Variants in AAK1 observed in about 807,000 individuals in gnomAD.
AAK1 encodes the protein AP2-associated protein kinase 1.
AAK1 carries 37 observed loss-of-function variants against 116.0 expected under a neutral mutation model. That is an observed-to-expected ratio of 0.32 (90% confidence interval 0.25 to 0.42). The LOEUF (loss-of-function observed/expected upper bound fraction) is 0.42. Among genes scored for constraint, AAK1 ranks in the 10% least tolerant of loss-of-function variants. The pLI is 1.00. For missense variants in AAK1, 919 were observed against 1,170.6 expected (o/e 0.79, Z 3.14); for synonymous variants, 458 against 439.9 (o/e 1.04, Z -0.51).
intron 2 of AAK1, among the ~76,000 whole-genome samples, chr2:69,602,306 G>A (rs1170477547): frequency 6.6e-6 from 1 of 152,082 alleles, no homozygotes; most frequent in East Asian, 1.9e-4. Flanking sequence ...TGAATAAACA[G>A]ATTAGATAAC....
At chr2:69,604,427 T>G (rs1014365758) in intron 2 of AAK1, among the ~76,000 whole-genome samples, 2 of 152,298 alleles carry the variant, frequency 1.3e-5, no homozygotes, top group East Asian at 1.9e-4. Context: ...CTTTCATGCT[T>G]CTTCTCCTCT....
intron 2 of AAK1, among the ~76,000 whole-genome samples, chr2:69,570,946 C>T (rs1228469533): frequency 6.9e-6 from 1 of 145,260 alleles, no homozygotes; most frequent in Non-Finnish European, 1.5e-5. Flanking sequence ...AAACTCACAG[C>T]TCTAAGTTTG....
intron 18 of AAK1, 170 bp from the exon 19 acceptor site, chr2:69,481,131 T>G: frequency 5.6e-6 from 3 of 531,412 alleles, no homozygotes; most frequent in Non-Finnish European, 9.8e-6. Context: ...CAAAGTCCTG[T>G]GGTTACAAGT....
chr2:69,489,132 CA>C (rs1675420174), intron 17 of AAK1, among the ~76,000 whole-genome samples: 1 of 151,276 alleles, frequency 6.6e-6, no homozygotes, highest in Non-Finnish European at 1.5e-5. Context: ...AGGAGCGAGC[CA>C]CCATATCCAG....
intron 2 of AAK1, among the ~76,000 whole-genome samples, chr2:69,616,903 T>C (rs1674354434): frequency 6.6e-6 from 1 of 152,164 alleles, no homozygotes; most frequent in Non-Finnish European, 1.5e-5. Context: ...GCCCTTTTTC[T>C]AACCCCAAGT....
intron 2 of AAK1, among the ~76,000 whole-genome samples, chr2:69,611,777 A>C (rs1339312854): frequency 6.6e-6 from 1 of 152,248 alleles, no homozygotes; most frequent in African/African-American, 2.4e-5. Context: ...GGATAAGGAA[A>C]CTGTGGTATA....
chr2:69,468,422 A>T lies in AAK1; in HGVS notation c.*7447T>A. 1.0e-6 allele frequency: 1 copy of T among 985,442 alleles called. No individual in the cohort carries two copies. Among genetic ancestry groups the T allele is most frequent in the Non-Finnish European group, 1.2e-6 (1 of 829,926 alleles). The allele number at this position is 985,442 out of a possible 1,614,324, so 61.0% of individuals were successfully genotyped here. A position where few individuals can be genotyped will look rare whatever the true frequency, so the allele number is the denominator to read the frequency against. ...AAACTCCTTGAACCACCTTCCTCAC[A>T]TAGTATCAGTTGGACAAAGTTTTCA... On this transcript the variant is annotated 3_prime_UTR_variant, in exon 22 of 22. Transcript: ENST00000409085.
chr2:69,514,880 G>T (rs1341521250), intron 12 of AAK1, 131 bp from the exon 13 acceptor site: 4 of 1,043,490 alleles, frequency 3.8e-6, no homozygotes, highest in East Asian at 5.4e-5. Flanking sequence ...CTTGAGGCTA[G>T]GCCTAAAATC....
chr2:69,593,934 G>A lies in AAK1; in HGVS notation c.164-36956C>T, dbSNP rs148633440. Among the ~76,000 whole-genome samples, 980 of 152,312 alleles carry A rather than the reference G, an allele frequency of 6.4e-3. 21 individuals are homozygous for A. Among genetic ancestry groups the A allele is most frequent in the East Asian group, 0.012 (63 of 5,192 alleles). ...TAACATTTCTGTCTTTGACCTTAGCGGCTCTTGCCATTGTTCTCTACTGTC... is the reference window on the plus strand; with the variant it reads ...TAACATTTCTGTCTTTGACCTTAGCAGCTCTTGCCATTGTTCTCTACTGTC... On this transcript the variant is annotated intron_variant, in intron 2 of 21. Coordinates refer to ENST00000409085, the MANE Select transcript of AAK1 (RefSeq NM_014911.5).
chr2:69,560,309 TCAGC>T (rs1265136920), intron 2 of AAK1, among the ~76,000 whole-genome samples: 1 of 152,226 alleles, frequency 6.6e-6, no homozygotes, highest in Admixed American at 6.5e-5. Context: ...GATGAGATTC[TCAGC>T]CAGAGCTTAA....
In AAK1 at chr2:69,466,474, G is replaced by C. The variant is rs1674489765; in HGVS notation, c.*9395C>G. The stretch of plus-strand genomic sequence containing the variant: ...ACTCTGGAGGGGTCTGGATACAGCG[G>C]AAGGCCTTTAACACCCAGTGATTCT... On this transcript the variant is annotated 3_prime_UTR_variant, in exon 22 of 22. Coordinates refer to ENST00000409085, the MANE Select transcript of AAK1 (RefSeq NM_014911.5). The C allele has an allele frequency of 7.8e-7, 1 of 1,277,882 alleles. No homozygotes were observed. 79.2% of individuals were successfully genotyped at this position (1,277,882 alleles called of 1,614,324 possible).
intron 2 of AAK1, chr2:69,597,684 AC>A (rs1025469015): frequency 6.6e-6 from 1 of 151,520 alleles, no homozygotes; most frequent in Non-Finnish European, 1.5e-5. Context: ...AGTCTGGGCA[AC>A]AGAGGGAGAC....
intron 19 of AAK1, among the ~76,000 whole-genome samples, chr2:69,480,041 C>T (rs1426640439): frequency 6.6e-6 from 1 of 152,062 alleles, no homozygotes; most frequent in Non-Finnish European, 1.5e-5. Context: ...AGGTGTGAGC[C>T]AAGGCACCCA....
In AAK1 at chr2:69,474,162, A is replaced by G; in HGVS notation, c.*1707T>C. ...CTTGCCCTCCAGAATGCAGTGTTTT[A>G]TAGGCTGTTGTTGCTGTTAAACTTT... On this transcript the variant is annotated 3_prime_UTR_variant, in exon 22 of 22. Transcript: ENST00000409085. 1.0e-6 allele frequency: 1 copy of G among 985,900 alleles called. No individual in the cohort carries two copies. Among genetic ancestry groups the G allele is most frequent in the East Asian group, 1.1e-4 (1 of 8,822 alleles). The allele number at this position is 985,900 out of a possible 1,614,324, so 61.1% of individuals were successfully genotyped here. A position where few individuals can be genotyped will look rare whatever the true frequency, so the allele number is the denominator to read the frequency against.
At chr2:69,481,140 G>A in intron 18 of AAK1, 179 bp from the exon 19 acceptor site, 1 of 501,260 alleles carries the variant, frequency 2.0e-6, no homozygotes, top group Middle Eastern at 4.3e-4. Flanking sequence ...GTGGTTACAA[G>A]TGTGAGCCAC....
At chr2:69,582,631 A>C (rs1672597654) in intron 2 of AAK1, among the ~76,000 whole-genome samples, 1 of 152,170 alleles carries the variant, frequency 6.6e-6, no homozygotes, top group Non-Finnish European at 1.5e-5. Context: ...AATATTCTAC[A>C]GAGAAACCTC....
At position 69,607,435 on chromosome 2, in the gene AAK1, G is replaced by A. The variant is rs76494301; in HGVS notation, c.163+35443C>T. 2.6e-4 allele frequency among the ~76,000 whole-genome samples: 39 copies of A among 152,216 alleles called. 1 individual carries two copies. In the East Asian group the frequency reaches 7.3e-3, roughly 29 times the overall value. ...ACTTTGCCTTGATTTCTGATGATGC[G>A]TTAACACTTTATCTCTTCTACTTTT... On this transcript the variant is annotated intron_variant, in intron 2 of 21. Transcript: ENST00000409085.
At chr2:69,573,905 A>G (rs1235107308) in intron 2 of AAK1, among the ~76,000 whole-genome samples, 1 of 152,002 alleles carries the variant, frequency 6.6e-6, no homozygotes, top group Non-Finnish European at 1.5e-5. Flanking sequence ...AGGCTGAGGC[A>G]GGAGAATCGC....
chr2:69,479,916 C>G (rs1406855790), intron 19 of AAK1, among the ~76,000 whole-genome samples: 1 of 152,024 alleles, frequency 6.6e-6, no homozygotes, highest in Non-Finnish European at 1.5e-5. Flanking sequence ...CTACCACAAC[C>G]GGCTAATTTT....
Sources: gnomAD v4.1 joint callset for allele counts (sites outside exome capture counted in the v4.1 genomes callset) on GRCh38, gnomAD v4.1.1 for gene constraint, MANE v1.5 for transcripts, NCBI Gene and HGNC (gene_info 2026-07-23, HGNC 2026-07-21) for gene names.